Variants in DAB1 observed in about 807,000 individuals in gnomAD.
The protein encoded by DAB1 is DAB adaptor protein 1.
A neutral mutation model predicts 64.6 loss-of-function variants in DAB1; 15 were observed. That is an observed-to-expected ratio of 0.23 (90% confidence interval 0.16 to 0.36). The LOEUF (loss-of-function observed/expected upper bound fraction) is 0.36. DAB1 is among the 10% of genes least tolerant of loss of function. The pLI, the probability that DAB1 is intolerant of heterozygous loss-of-function variation, is 1.00. For missense variants in DAB1, 596 were observed against 706.7 expected (o/e 0.84, Z 1.78); for synonymous variants, 235 against 251.9 (o/e 0.93, Z 0.64).
chr1:57,146,758 C>T (rs903456745), intron 2 of DAB1, among the ~76,000 whole-genome samples: 1 of 152,098 alleles, frequency 6.6e-6, no homozygotes, highest in African/African-American at 2.4e-5. Flanking sequence ...CCCTTAGAAG[C>T]TTAAGTTTTT....
intron 3 of DAB1, among the ~76,000 whole-genome samples, chr1:58,493,271 A>G (rs1421562293): frequency 1.3e-5 from 2 of 152,218 alleles, no homozygotes; most frequent in African/African-American, 4.8e-5. Flanking sequence ...GTATCTCAAA[A>G]TAGTAAGAGC....
intron 1 of DAB1, among the ~76,000 whole-genome samples, chr1:57,362,774 C>T (rs1026700471): frequency 2.0e-5 from 3 of 152,042 alleles, no homozygotes; most frequent in African/African-American, 7.2e-5. Context: ...TTTGTCATAG[C>T]AGCCCCAATA....
chr1:57,804,517 T>C (rs1557490315), intron 6 of DAB1, among the ~76,000 whole-genome samples: 1 of 152,166 alleles, frequency 6.6e-6, no homozygotes, highest in Non-Finnish European at 1.5e-5. Context: ...CATTTGCAGA[T>C]ACGTGATTTC....
At chr1:58,234,759 T>C (rs192282281) in intron 4 of DAB1, among the ~76,000 whole-genome samples, 123 of 152,276 alleles carry the variant, frequency 8.1e-4, no homozygotes, top group African/African-American at 2.5e-3. Flanking sequence ...GGCCAGATCA[T>C]GAAGGGATAA....
At chr1:57,649,325 T>C (rs1264794075) in intron 7 of DAB1, among the ~76,000 whole-genome samples, 1 of 152,050 alleles carries the variant, frequency 6.6e-6, no homozygotes, top group Non-Finnish European at 1.5e-5. Context: ...AACCTAAGGA[T>C]CCTGATGACA....
intron 4 of DAB1, among the ~76,000 whole-genome samples, chr1:58,269,179 C>A (rs1274745493): frequency 7.1e-6 from 1 of 140,128 alleles, no homozygotes; most frequent in East Asian, 2.3e-4. Context: ...CCGACCCCAC[C>A]ACAGTCCCCA....
At chr1:57,458,169 T>C (rs1686666071) in intron 7 of DAB1, among the ~76,000 whole-genome samples, 1 of 152,198 alleles carries the variant, frequency 6.6e-6, no homozygotes. Context: ...TATGTATACA[T>C]ACTATATATA....
chr1:58,251,939 C>CT (rs1660810276), intron 4 of DAB1, among the ~76,000 whole-genome samples: 1 of 152,172 alleles, frequency 6.6e-6, no homozygotes, highest in South Asian at 2.1e-4. Context: ...ACCACAGCAA[C>CT]TTCCCCTCTG....
chr1:57,423,153 T>C (rs1170289744), intron 1 of DAB1, among the ~76,000 whole-genome samples: 1 of 144,970 alleles, frequency 6.9e-6, no homozygotes, highest in African/African-American at 2.6e-5. Flanking sequence ...GTTTCCTTGG[T>C]AGAAAAAAAA....
At chr1:57,090,517 G>A (rs927897069) in intron 4 of DAB1, among the ~76,000 whole-genome samples, 3 of 152,108 alleles carry the variant, frequency 2.0e-5, no homozygotes, top group African/African-American at 7.2e-5. Flanking sequence ...TTTTCTTATA[G>A]GTTCAAATTT....
intron 6 of DAB1, among the ~76,000 whole-genome samples, chr1:57,717,594 G>A (rs1647099251): frequency 6.6e-6 from 1 of 152,086 alleles, no homozygotes; most frequent in Non-Finnish European, 1.5e-5. Context: ...AATGAAATCA[G>A]TATTTTGAAG....
chr1:58,337,794 A>C (rs1358796686), intron 4 of DAB1, among the ~76,000 whole-genome samples: 2 of 152,218 alleles, frequency 1.3e-5, no homozygotes, highest in Non-Finnish European at 2.9e-5. Context: ...ATTAACCCGG[A>C]GAGACAGTGG....
intron 1 of DAB1, among the ~76,000 whole-genome samples, chr1:57,399,568 T>C (rs1450523458): frequency 1.3e-5 from 2 of 152,344 alleles, no homozygotes; most frequent in East Asian, 3.9e-4. Context: ...ACATATGACC[T>C]AAATGCCTCT....
intron 6 of DAB1, chr1:57,071,269 T>C (rs1334414717): frequency 7.7e-6 from 5 of 645,514 alleles, no homozygotes; most frequent in African/African-American, 5.5e-5. Flanking sequence ...GCAAAAGCAA[T>C]TGTGTTTCTT....
At chr1:57,635,531 T>G (rs1041230427) in intron 7 of DAB1, among the ~76,000 whole-genome samples, 1 of 152,188 alleles carries the variant, frequency 6.6e-6, no homozygotes, top group African/African-American at 2.4e-5. Flanking sequence ...GAGACTCTAC[T>G]GCCTAATGAT....
At chr1:57,119,445 T>C (rs1656439979) in intron 4 of DAB1, among the ~76,000 whole-genome samples, 1 of 152,160 alleles carries the variant, frequency 6.6e-6, no homozygotes, top group South Asian at 2.1e-4. Context: ...GCTACCTTTA[T>C]TACAGACCAC....
chr1:57,435,650 A>G (rs987578730), intron 7 of DAB1, among the ~76,000 whole-genome samples: 2 of 152,192 alleles, frequency 1.3e-5, no homozygotes, highest in East Asian at 3.9e-4. Flanking sequence ...CCACCTCCAC[A>G]TCTTGTCCCA....
chr1:57,090,910 A>T (rs916417414), intron 4 of DAB1, among the ~76,000 whole-genome samples: 9 of 152,078 alleles, frequency 5.9e-5, no homozygotes, highest in African/African-American at 2.2e-4. Context: ...TAGGAGCGCG[A>T]ACCCTATTGT....
At chr1:57,071,468 A>C in intron 6 of DAB1, 54 bp downstream of exon 6, 1 of 1,579,694 alleles carries the variant, frequency 6.3e-7, no homozygotes, top group Non-Finnish European at 8.6e-7. Context: ...CAGTTTTTAC[A>C]TGTGTTTATT....
Sources: gnomAD v4.1 joint callset for allele counts (sites outside exome capture counted in the v4.1 genomes callset) on GRCh38, gnomAD v4.1.1 for gene constraint, MANE v1.5 for transcripts, NCBI Gene and HGNC (gene_info 2026-07-23, HGNC 2026-07-21) for gene names.